CEP170: variants seen among roughly 807,000 people sequenced by gnomAD.
CEP170 encodes centrosomal protein 170, also known as centrosomal protein of 170 kDa.
In CEP170, 21 loss-of-function variants were observed where a neutral mutation model predicts 151.9. The ratio of observed to expected loss-of-function variants is 0.14; its 90% CI spans 0.10 to 0.20. CEP170 has a LOEUF of 0.20. CEP170 is among the 10% of genes least tolerant of loss of function. The pLI, the probability that CEP170 is intolerant of heterozygous loss-of-function variation, is 1.00. For missense variants in CEP170, 964 were observed against 1,892.9 expected (o/e 0.51, Z 9.11); for synonymous variants, 356 against 648.8 (o/e 0.55, Z 6.86).
At chr1:243,217,187 A>G (rs994910653) in intron 3 of CEP170, among the ~76,000 whole-genome samples, 5 of 152,226 alleles carry the variant, frequency 3.3e-5, no homozygotes, top group African/African-American at 1.2e-4. Flanking sequence ...ACTGCCGTGT[A>G]TGTGGTCTGC....
intron 4 of CEP170, among the ~76,000 whole-genome samples, chr1:243,201,684 G>A (rs1441312388): frequency 6.6e-6 from 1 of 152,084 alleles, no homozygotes; most frequent in Non-Finnish European, 1.5e-5. Context: ...AGGGAAGTAG[G>A]AAACTTGTGA....
intron 3 of CEP170, among the ~76,000 whole-genome samples, chr1:243,218,158 CCTTCCCTAACCTTT>C (rs538254339): frequency 7.9e-4 from 121 of 152,382 alleles, no homozygotes; most frequent in South Asian, 1.2e-3. Context: ...AGCCTCCTCT[CCTTCCCTAACCTTT>C]CCTTTCAACC....
intron 18 of CEP170, chr1:243,128,612 A>C (rs1189890917): frequency 4.5e-6 from 1 of 223,784 alleles, no homozygotes; most frequent in Non-Finnish European, 8.7e-6. Flanking sequence ...TGTCGCCCAG[A>C]CTGGAGTGCA....
intron 3 of CEP170, among the ~76,000 whole-genome samples, chr1:243,217,539 G>T (rs1442075494): frequency 2.0e-5 from 3 of 152,158 alleles, no homozygotes; most frequent in Admixed American, 2.0e-4. Flanking sequence ...TTAACATGCT[G>T]CCATTTATGA....
chr1:243,137,169 T>C (rs1281045791), intron 16 of CEP170, among the ~76,000 whole-genome samples: 2 of 152,254 alleles, frequency 1.3e-5, no homozygotes, highest in African/African-American at 4.8e-5. Flanking sequence ...AAGTGACAGG[T>C]TGGATTTGGC....
Position 243,135,382 on chromosome 1 carries a change from A to C in CEP170, c.4319+761T>G, listed in dbSNP as rs747536294. Among the ~76,000 whole-genome samples the C allele has an allele frequency of 9.9e-5, 15 of 152,066 alleles. No individual in the cohort carries two copies. The South Asian group carries it at 2.3e-3, about 23-fold the overall frequency. On this transcript the variant is annotated intron_variant, in intron 17 of 19. Coordinates refer to ENST00000366542, the MANE Select transcript of CEP170 (RefSeq NM_014812.3). ...CCACCACGCCCGGCTAATTTTTTTG[A>C]ATTTTAATAGAGACAGGGTTTCACC...
chr1:243,145,418 G>A (rs554979821), intron 14 of CEP170, among the ~76,000 whole-genome samples: 138 of 152,288 alleles, frequency 9.1e-4, no homozygotes, highest in Middle Eastern at 3.4e-3. Flanking sequence ...AGGATTACAG[G>A]CGTGCACCAC....
chr1:243,246,011 G>A (rs72757686), intron 1 of CEP170, among the ~76,000 whole-genome samples: 8 of 151,974 alleles, frequency 5.3e-5, no homozygotes, highest in Admixed American at 5.2e-4. Context: ...CTGATGAAGG[G>A]GTGAAGAAAC....
intron 3 of CEP170, among the ~76,000 whole-genome samples, chr1:243,213,589 A>G (rs1033754206): frequency 2.0e-5 from 3 of 152,206 alleles, no homozygotes; most frequent in Admixed American, 6.5e-5. Context: ...CTCTAATGCA[A>G]GAATCAATGA....
At chr1:243,139,645 G>C (rs987841775) in intron 16 of CEP170, among the ~76,000 whole-genome samples, 3 of 152,058 alleles carry the variant, frequency 2.0e-5, no homozygotes, top group African/African-American at 7.2e-5. Context: ...TATTTTTTAA[G>C]TAAAAGTTTT....
At chr1:243,152,570 C>T (rs1181774418) in intron 14 of CEP170, among the ~76,000 whole-genome samples, 1 of 106,188 alleles carries the variant, frequency 9.4e-6, no homozygotes, top group Non-Finnish European at 1.7e-5. Flanking sequence ...CTCGCTCTGT[C>T]ACCCAGGCTG....
At chr1:243,190,646 A>G (rs548205144) in intron 8 of CEP170, among the ~76,000 whole-genome samples, 1 of 152,302 alleles carries the variant, frequency 6.6e-6, no homozygotes, top group East Asian at 1.9e-4. Flanking sequence ...CTAGATATTG[A>G]TCTCAATAGA....
chr1:243,130,021 C>G (rs1370279847), intron 17 of CEP170, among the ~76,000 whole-genome samples: 1 of 152,078 alleles, frequency 6.6e-6, no homozygotes, highest in African/African-American at 2.4e-5. Flanking sequence ...GGAAAATACA[C>G]AGTATATTAG....
intron 10 of CEP170, among the ~76,000 whole-genome samples, chr1:243,174,028 C>T (rs1264682007): frequency 6.6e-6 from 1 of 152,172 alleles, no homozygotes; most frequent in Non-Finnish European, 1.5e-5. Context: ...CTAACAATCC[C>T]TTAAAGACCT....
At position 243,185,002 on chromosome 1, in the gene CEP170, G is replaced by C. The variant is rs1251197393; in HGVS notation, c.1566+777C>G. 3.3e-5 allele frequency among the ~76,000 whole-genome samples: 5 copies of C among 152,162 alleles called. No individual in the cohort carries two copies. The highest frequency in any genetic ancestry group is 1.5e-5 in the Non-Finnish European group (1 of 68,030). Reference sequence around the variant, plus strand: ...AAACGGATACTGCTGTTTTGCAAGAGGTAATATGAGGTTGGTGCAAAAGTC... The same window carrying C: ...AAACGGATACTGCTGTTTTGCAAGACGTAATATGAGGTTGGTGCAAAAGTC... On this transcript the variant is annotated intron_variant, in intron 10 of 19. Coordinates refer to ENST00000366542, the MANE Select transcript of CEP170 (RefSeq NM_014812.3). The surrounding 1 kb of genome is among the most constrained non-coding windows in gnomAD (Gnocchi z 4.9).
chr1:243,124,834 G>A lies in CEP170; in HGVS notation c.*1615C>T, dbSNP rs1473224721. 6.6e-6 allele frequency: 1 copy of A among 150,698 alleles called. No homozygotes were observed. The highest frequency in any genetic ancestry group is 1.5e-5 in the Non-Finnish European group (1 of 67,690). 9.3% of individuals were successfully genotyped at this position (150,698 alleles called of 1,614,324 possible). ...ACCTTTTTTCAGTCTTCCTTTATTA[G>A]ACAGAATGGGGAATTTAGCTTTACA... On this transcript the variant is annotated 3_prime_UTR_variant, in exon 20 of 20. Transcript: ENST00000366542.
intron 16 of CEP170, among the ~76,000 whole-genome samples, chr1:243,138,456 T>C (rs1465286287): frequency 6.6e-6 from 1 of 152,036 alleles, no homozygotes; most frequent in African/African-American, 2.4e-5. Context: ...TATTCTTACA[T>C]AATAATCTCA....
At chr1:243,141,570 A>C (rs997255485) in intron 15 of CEP170, among the ~76,000 whole-genome samples, 1 of 152,200 alleles carries the variant, frequency 6.6e-6, no homozygotes, top group African/African-American at 2.4e-5. Flanking sequence ...CATTCTTTTA[A>C]ATGCCAATCC....
At chr1:243,230,963 G>A (rs2149058855) in intron 1 of CEP170, among the ~76,000 whole-genome samples, 1 of 152,036 alleles carries the variant, frequency 6.6e-6, no homozygotes, top group South Asian at 2.1e-4. Flanking sequence ...AGAACCTAAA[G>A]AAATAGAAAG....
Sources: gnomAD v4.1 joint callset for allele counts (sites outside exome capture counted in the v4.1 genomes callset) on GRCh38, gnomAD v4.1.1 for gene constraint, Gnocchi (gnomAD v3.1) non-coding constraint, MANE v1.5 for transcripts, NCBI Gene and HGNC (gene_info 2026-07-23, HGNC 2026-07-21) for gene names.